RMND5A: variants seen among roughly 807,000 people sequenced by gnomAD.
RMND5A encodes the protein required for meiotic nuclear division 5 homolog A.
Under a neutral mutation model 49.7 loss-of-function variants are expected in RMND5A, and 17 were observed. The ratio of observed to expected loss-of-function variants is 0.34; its 90% CI spans 0.23 to 0.51. The LOEUF (loss-of-function observed/expected upper bound fraction) is 0.51, where lower values mean the gene tolerates loss of function less well. RMND5A is among the 20% of genes least tolerant of loss of function. The probability of loss-of-function intolerance (pLI) is 0.96; values close to 1 mark genes in which losing one functional copy is unlikely to be tolerated. For missense variants in RMND5A, 255 were observed against 471.3 expected, an observed-to-expected ratio of 0.54 and a Z score of 4.25; for synonymous variants, 156 against 167.7, an observed-to-expected ratio of 0.93 and a Z score of 0.54.
chr2:86,747,016 A>C (rs1343824571), intron 2 of RMND5A, among the ~76,000 whole-genome samples: 1 of 152,238 alleles, frequency 6.6e-6, no homozygotes, highest in African/African-American at 2.4e-5. Flanking sequence ...AAGCACTGCT[A>C]TCTGGTATAT....
In RMND5A at chr2:86,720,600, C is replaced by T. The variant is rs1681182999; in HGVS notation, c.-68C>T. 5 of 1,338,900 alleles carry T rather than the reference C, an allele frequency of 3.7e-6. No individual in the cohort carries two copies. The highest frequency in any genetic ancestry group is 4.8e-6 in the Non-Finnish European group (5 of 1,034,762). The allele number at this position is 1,338,900 out of a possible 1,614,324, so 82.9% of individuals were successfully genotyped here. ...GGGAACGAGGAGCAGGACGCGGCCT[C>T]GGTGGGGCCCGGGCCGAACGGCTGC... is the stretch of plus-strand genomic sequence containing the variant. On this transcript the variant is annotated 5_prime_UTR_variant, in exon 1 of 9. Coordinates refer to ENST00000283632, the MANE Select transcript of RMND5A (RefSeq NM_022780.4).
At position 86,734,354 on chromosome 2, in the gene RMND5A, C is replaced by T. The variant is rs1451241168; in HGVS notation, c.143-6573C>T. On this transcript the variant is annotated intron_variant, in intron 1 of 8. Coordinates refer to ENST00000283632, the MANE Select transcript of RMND5A (RefSeq NM_022780.4). Reference sequence around the variant, plus strand: ...CAAACTCCAGATATGTAAGTTACTACGATTTGAAAATATCAGTGGATTTCA... The same window carrying T: ...CAAACTCCAGATATGTAAGTTACTATGATTTGAAAATATCAGTGGATTTCA... Among the ~76,000 whole-genome samples the T allele has an allele frequency of 2.7e-5, 4 of 149,624 alleles. No individual in the cohort carries two copies. The East Asian group carries it at 5.8e-4, about 22-fold the overall frequency.
At chr2:86,748,871 G>GA (rs538920774) in intron 2 of RMND5A, among the ~76,000 whole-genome samples, 97 of 152,278 alleles carry the variant, frequency 6.4e-4, no homozygotes, top group Non-Finnish European at 1.1e-3. Context: ...GTTGTTTGGG[G>GA]AAAAATCATT....
At chr2:86,766,125 C>A in intron 6 of RMND5A, 101 bp downstream of exon 6, 1 of 1,090,076 alleles carries the variant, frequency 9.2e-7, no homozygotes, top group Non-Finnish European at 1.3e-6. Flanking sequence ...TAACTTTTGT[C>A]TTTCCAAAGA....
chr2:86,766,485 G>A (rs1573445118), intron 6 of RMND5A, among the ~76,000 whole-genome samples: 1 of 151,990 alleles, frequency 6.6e-6, no homozygotes, highest in South Asian at 2.1e-4. Flanking sequence ...CCAACATAGT[G>A]AAACCCGCCT....
intron 4 of RMND5A, among the ~76,000 whole-genome samples, chr2:86,758,507 A>G (rs767442908): frequency 1.1e-4 from 16 of 152,224 alleles, no homozygotes; most frequent in Non-Finnish European, 1.9e-4. Context: ...GTTGCACATT[A>G]TTTTGAGCAT....
chr2:86,742,635 C>T (rs538340760), intron 2 of RMND5A, among the ~76,000 whole-genome samples: 77 of 151,870 alleles, frequency 5.1e-4, no homozygotes, highest in African/African-American at 1.8e-3. Flanking sequence ...CCCTCAGTTC[C>T]TCTAGAGGTA....
chr2:86,768,395 G>T (rs928335192), intron 6 of RMND5A, among the ~76,000 whole-genome samples: 1 of 152,346 alleles, frequency 6.6e-6, no homozygotes, highest in South Asian at 2.1e-4. Context: ...CCTAGCGTAG[G>T]AGTGGACAGA....
chr2:86,765,024 T>C lies in RMND5A; in HGVS notation c.522-3T>C. 1 of 1,591,880 alleles carries C rather than the reference T, an allele frequency of 6.3e-7. No individual in the cohort carries two copies. The highest frequency in any genetic ancestry group is 8.5e-7 in the Non-Finnish European group (1 of 1,173,174). On this transcript the variant is annotated splice_region_variant and splice_polypyrimidine_tract_variant and intron_variant, in intron 4 of 8. Coordinates refer to ENST00000283632, the MANE Select transcript of RMND5A (RefSeq NM_022780.4). Reference sequence around the variant, plus strand: ...CTTAAAGTCTTTTTTGCCTTTTCTTTAGGTGGGCAGTGTCAAACCGGGAAA... The same window carrying C: ...CTTAAAGTCTTTTTTGCCTTTTCTTCAGGTGGGCAGTGTCAAACCGGGAAA...
In RMND5A at chr2:86,770,072, G is replaced by A; in HGVS notation, c.904G>A (p.Val302Met). 6.2e-7 allele frequency: 1 copy of A among 1,614,038 alleles called. No individual in the cohort carries two copies. Among genetic ancestry groups the A allele is most frequent in the Non-Finnish European group, 8.5e-7 (1 of 1,179,944 alleles). ...ALPALINIKA[V>M]IEQRQCTGVW... ...GCCAGCTTTAATTAACATCAAAGCC[G>A]TGATTGAACAGAGGCAGTGTACTGG... The change falls in exon 7 of 9, where the codon GTG (valine) becomes ATG (methionine). Residue 302 changes from valine to methionine, a missense_variant. Around this residue, in one of 3 missense-constraint regions of RMND5A, gnomAD observed 208 missense variants for 339.8 expected, o/e 0.61. Transcript: ENST00000283632.
chr2:86,757,325 G>A (rs1378221465), intron 4 of RMND5A, among the ~76,000 whole-genome samples: 2 of 152,066 alleles, frequency 1.3e-5, no homozygotes, highest in Non-Finnish European at 2.9e-5. Context: ...CCTGTGTTCC[G>A]TGCCCTTGTA....
At chr2:86,752,926 C>T (rs2104397959) in intron 3 of RMND5A, among the ~76,000 whole-genome samples, 1 of 152,290 alleles carries the variant, frequency 6.6e-6, no homozygotes, top group African/African-American at 2.4e-5. Flanking sequence ...ATGTAATTTC[C>T]TGCAGTAAAC....
chr2:86,764,393 G>A (rs1299067819), intron 4 of RMND5A, among the ~76,000 whole-genome samples: 1 of 152,090 alleles, frequency 6.6e-6, no homozygotes, highest in Non-Finnish European at 1.5e-5. Flanking sequence ...TATTCCAACT[G>A]TTCTATAGAA....
chr2:86,773,557 C>T lies in RMND5A; in HGVS notation c.*146C>T. 1.8e-6 allele frequency: 1 copy of T among 552,488 alleles called. No homozygotes were observed. The highest frequency in any genetic ancestry group is 3.4e-6 in the Non-Finnish European group (1 of 298,158). The allele number at this position is 552,488 out of a possible 1,614,324, so 34.2% of individuals were successfully genotyped here. On this transcript the variant is annotated 3_prime_UTR_variant, in exon 9 of 9. Transcript: ENST00000283632. The stretch of plus-strand genomic sequence containing the variant: ...GAAACTTTGCCAACCTGTTAGTGTA[C>T]ACACACTGAGGGGAGTGCTCCCGGT...
chr2:86,720,950 C>T (rs1191904567), intron 1 of RMND5A, 141 bp downstream of exon 1: 1 of 671,414 alleles, frequency 1.5e-6, no homozygotes, highest in Admixed American at 3.7e-5. Context: ...CCCCAGACCC[C>T]TGAGACTTTT....
At chr2:86,769,217 A>G (rs182962814) in intron 6 of RMND5A, among the ~76,000 whole-genome samples, 219 of 152,300 alleles carry the variant, frequency 1.4e-3, no homozygotes, top group African/African-American at 5.1e-3. Context: ...AAGTGCTGCA[A>G]TTACAGGAGT....
intron 4 of RMND5A, among the ~76,000 whole-genome samples, chr2:86,760,906 T>C (rs1470174292): frequency 6.6e-6 from 1 of 151,844 alleles, no homozygotes; most frequent in Non-Finnish European, 1.5e-5. Context: ...TGCACTAGAA[T>C]AGAAAGATGC....
At position 86,776,447 on chromosome 2, in the gene RMND5A, G is replaced by A. The variant is rs934105147; in HGVS notation, c.*3036G>A. The A allele has an allele frequency of 6.6e-6, 1 of 152,226 alleles. No homozygotes were observed. Among genetic ancestry groups the A allele is most frequent in the East Asian group, 1.9e-4 (1 of 5,198 alleles). 9.4% of individuals were successfully genotyped at this position (152,226 alleles called of 1,614,324 possible). On this transcript the variant is annotated 3_prime_UTR_variant, in exon 9 of 9. Coordinates refer to ENST00000283632, the MANE Select transcript of RMND5A (RefSeq NM_022780.4). ...TTCTCTGTAGCAGCTAATGCATAGA[G>A]ACACTAAAACCCACACCACATTTTG...
intron 2 of RMND5A, among the ~76,000 whole-genome samples, chr2:86,749,617 T>C (rs1681598425): frequency 6.6e-6 from 1 of 152,180 alleles, no homozygotes; most frequent in African/African-American, 2.4e-5. Flanking sequence ...CTTGAACTCC[T>C]GACTTCAGGT....
Sources: allele counts gnomAD v4.1 joint callset (sites outside exome capture counted in the v4.1 genomes callset), GRCh38; gene constraint gnomAD v4.1.1; regional missense constraint gnomAD v4.1.1; transcripts MANE v1.5; gene names NCBI Gene and HGNC (gene_info 2026-07-23, HGNC 2026-07-21).